CREBBP: variants seen among roughly 807,000 people sequenced by gnomAD.
The protein encoded by CREBBP is CREB-binding protein.
CREBBP carries 19 observed loss-of-function variants against 265.0 expected under a neutral mutation model. That is an observed-to-expected ratio of 0.07 (90% confidence interval 0.05 to 0.11). The LOEUF is 0.11. Among genes scored for constraint, CREBBP ranks in the 10% least tolerant of loss-of-function variants. The probability of loss-of-function intolerance (pLI) is 1.00; values close to 1 mark genes in which losing one functional copy is unlikely to be tolerated. For missense variants in CREBBP, 2,525 were observed against 3,219.0 expected (o/e 0.78, Z 5.22); for synonymous variants, 1,457 against 1,223.7 (o/e 1.19, Z -3.98).
At chr16:3,730,845 G>A (rs1162483085) in intron 30 of CREBBP, among the ~76,000 whole-genome samples, 2 of 152,150 alleles carry the variant, frequency 1.3e-5, no homozygotes, top group East Asian at 3.9e-4. Context: ...GCATGACCGG[G>A]GGGTCCTTCA....
At chr16:3,772,465 T>C (rs1302672828) in intron 13 of CREBBP, among the ~76,000 whole-genome samples, 1 of 152,084 alleles carries the variant, frequency 6.6e-6, no homozygotes. Context: ...TCTGAATCAC[T>C]GTTCTAGAGC....
intron 1 of CREBBP, among the ~76,000 whole-genome samples, chr16:3,860,227 C>G (rs1248748489): frequency 6.6e-6 from 1 of 152,178 alleles, no homozygotes; most frequent in Non-Finnish European, 1.5e-5. Flanking sequence ...CCTGATTTTT[C>G]CCTACATCCT....
chr16:3,767,390 T>C lies in CREBBP; in HGVS notation c.3250+330A>G, dbSNP rs1041014613. 10 of 392,828 alleles carry C rather than the reference T, an allele frequency of 2.5e-5. No homozygotes were observed. The Admixed American group carries it at 3.4e-4, about 13-fold the overall frequency. The allele number at this position is 392,828 out of a possible 1,614,324, so 24.3% of individuals were successfully genotyped here. On this transcript the variant is annotated intron_variant, in intron 16 of 30. Transcript: ENST00000262367. ...ATACATCACTGGTTCTTTATACTTT[T>C]ATGAGTAAAGCCAAGCTCCTTAACC...
chr16:3,729,331 G>C lies in CREBBP; in HGVS notation c.5716C>G (p.Pro1906Ala). 6.3e-7 allele frequency: 1 copy of C among 1,577,992 alleles called. No homozygotes were observed. The highest frequency in any genetic ancestry group is 8.6e-7 in the Non-Finnish European group (1 of 1,167,252). ...ACGGGTGAGGGTTGGGGCTGGGCAG[G>C]GGGCTGCGGCGTCTGGGGTGTGCTG... is the stretch of plus-strand genomic sequence containing the variant. ...QPSTPQTPQP[P>A]AQPQPSPVSM... Residue 1906 changes from proline to alanine, a missense_variant, in exon 31 of 31, where the codon CCT becomes GCT. By Grantham distance (27) the Pro-to-Ala change is conservative. This residue lies in a region of CREBBP where 275 missense variants were observed against 276.5 expected (regional missense o/e 0.99). Coordinates refer to ENST00000262367, the MANE Select transcript of CREBBP (RefSeq NM_004380.3).
chr16:3,751,637 G>A lies in CREBBP; in HGVS notation c.3779+89C>T, dbSNP rs140577938. On this transcript the variant is annotated intron_variant, in intron 20 of 30. Transcript: ENST00000262367. ...ATTGCAAGGAAGTCAAAATGGCACC[G>A]GTACCTTCCTTATAGTCATTGGTAA... 2.5e-4 allele frequency: 327 copies of A among 1,303,624 alleles called. 1 individual carries two copies. In the African/African-American group the frequency reaches 3.5e-3, roughly 14 times the overall value. 80.8% of individuals were successfully genotyped at this position (1,303,624 alleles called of 1,614,324 possible).
At chr16:3,828,320 G>A (rs774911850) in intron 2 of CREBBP, among the ~76,000 whole-genome samples, 49 of 152,230 alleles carry the variant, frequency 3.2e-4, no homozygotes, top group Middle Eastern at 3.4e-3. Context: ...TCGAACTCAC[G>A]ACGTCAGGTG....
chr16:3,853,830 G>A (rs2054904495), intron 1 of CREBBP, among the ~76,000 whole-genome samples: 1 of 151,202 alleles, frequency 6.6e-6, no homozygotes, highest in African/African-American at 2.4e-5. Context: ...GCAGCTACTC[G>A]AGAGGCTGAG....
At chr16:3,873,817 C>T (rs2055347309) in intron 1 of CREBBP, among the ~76,000 whole-genome samples, 2 of 152,066 alleles carry the variant, frequency 1.3e-5, no homozygotes, top group African/African-American at 4.8e-5. Flanking sequence ...ATAACAGACC[C>T]AATTAGAAGA....
At chr16:3,798,383 G>C (rs2053648537) in intron 3 of CREBBP, among the ~76,000 whole-genome samples, 1 of 152,196 alleles carries the variant, frequency 6.6e-6, no homozygotes, top group African/African-American at 2.4e-5. Flanking sequence ...AATGAACTGT[G>C]AAAGTGGAAA....
chr16:3,825,821 G>A lies in CREBBP; in HGVS notation c.799-15042C>T, dbSNP rs756897624. Among the ~76,000 whole-genome samples the A allele has an allele frequency of 6.2e-4, 94 of 152,288 alleles. 1 individual carries two copies. Among genetic ancestry groups the A allele is most frequent in the Non-Finnish European group, 1.2e-3 (85 of 68,030 alleles). Reference sequence around the variant, plus strand: ...GTCATTGTGTATCTTCAAAAGCATAGAGAAAACTGTAACGGAAAAAAATAC... The same window carrying A: ...GTCATTGTGTATCTTCAAAAGCATAAAGAAAACTGTAACGGAAAAAAATAC... On this transcript the variant is annotated intron_variant, in intron 2 of 30. Coordinates refer to ENST00000262367, the MANE Select transcript of CREBBP (RefSeq NM_004380.3).
chr16:3,846,215 C>A (rs2054665076), intron 2 of CREBBP, among the ~76,000 whole-genome samples: 1 of 152,106 alleles, frequency 6.6e-6, no homozygotes. Flanking sequence ...TATGAACAAT[C>A]AGTAAAATAC....
chr16:3,844,482 AT>A (rs1479548561), intron 2 of CREBBP, among the ~76,000 whole-genome samples: 2 of 152,228 alleles, frequency 1.3e-5, no homozygotes, highest in African/African-American at 4.8e-5. Context: ...ATTATCATTT[AT>A]TTTATGACGA....
Position 3,778,814 on chromosome 16 carries a change from G to A in CREBBP, c.1827C>T (p.Val609=), listed in dbSNP as rs2141238449. The A allele has an allele frequency of 6.2e-7, 1 of 1,613,438 alleles. No individual in the cohort carries two copies. The highest frequency in any genetic ancestry group is 8.5e-7 in the Non-Finnish European group (1 of 1,179,466). The change falls in exon 9 of 31, where the codon GTC becomes GTT. Residue 609 remains valine, a synonymous_variant. Coordinates refer to ENST00000262367, the MANE Select transcript of CREBBP (RefSeq NM_004380.3). The stretch of plus-strand genomic sequence containing the variant: ...GATCAGGTGTTGGGAAGATGGCTTG[G>A]ACGCTGAAAGGATAACACATCTATC... The part of the protein sequence containing the change: ...DLRSHLVHKL[V]QAIFPTPDPA...
At chr16:3,835,680 C>T (rs1355786682) in intron 2 of CREBBP, among the ~76,000 whole-genome samples, 4 of 149,898 alleles carry the variant, frequency 2.7e-5, no homozygotes, top group Non-Finnish European at 4.4e-5. Flanking sequence ...CCCAGGTTCA[C>T]GCCATTCTCC....
At chr16:3,878,148 C>G (rs1192945104) in intron 1 of CREBBP, among the ~76,000 whole-genome samples, 1 of 152,218 alleles carries the variant, frequency 6.6e-6, no homozygotes, top group Non-Finnish European at 1.5e-5. Context: ...AGCAAAGCTA[C>G]AAAGCCATCC....
At chr16:3,807,997 T>C (rs1340617034) in intron 3 of CREBBP, among the ~76,000 whole-genome samples, 2 of 152,154 alleles carry the variant, frequency 1.3e-5, no homozygotes, top group Non-Finnish European at 2.9e-5. Flanking sequence ...ACAGGGGTTC[T>C]TGTGAGACAG....
At chr16:3,811,117 T>A (rs2053930997) in intron 2 of CREBBP, among the ~76,000 whole-genome samples, 1 of 152,104 alleles carries the variant, frequency 6.6e-6, no homozygotes, top group Non-Finnish European at 1.5e-5. Context: ...CAAGGGGAAT[T>A]CTTTCAGTTT....
At chr16:3,847,907 G>A (rs1006394285) in intron 2 of CREBBP, among the ~76,000 whole-genome samples, 1 of 152,174 alleles carries the variant, frequency 6.6e-6, no homozygotes, top group African/African-American at 2.4e-5. Context: ...GGTGGCTCAC[G>A]CCTGTAATCC....
intron 2 of CREBBP, among the ~76,000 whole-genome samples, chr16:3,846,243 T>C (rs937986931): frequency 5.3e-5 from 8 of 152,164 alleles, no homozygotes; most frequent in Non-Finnish European, 1.2e-4. Flanking sequence ...TATGACCTTA[T>C]GAAAAGACAC....
Sources: gnomAD v4.1 joint callset for allele counts (sites outside exome capture counted in the v4.1 genomes callset) on GRCh38, gnomAD v4.1.1 for gene constraint, gnomAD v4.1.1 regional missense constraint, MANE v1.5 for transcripts, NCBI Gene and HGNC (gene_info 2026-07-23, HGNC 2026-07-21) for gene names.